The following RPS6KA6 variants were observed in gnomAD, a reference collection of about 807,000 sequenced individuals.
The protein encoded by RPS6KA6 is ribosomal protein S6 kinase A6, also known as ribosomal protein S6 kinase alpha-6.
RPS6KA6 carries 27 observed loss-of-function variants against 65.4 expected under a neutral mutation model. The observed-to-expected ratio is 0.41, with a 90% CI of 0.30 to 0.57. The LOEUF is 0.57. Ranked by LOEUF, RPS6KA6 falls within the 20% of genes least tolerant of loss-of-function variation. The pLI, the probability that RPS6KA6 is intolerant of heterozygous loss-of-function variation, is 0.24. For synonymous variants in RPS6KA6, 190 were observed against 184.2 expected, an observed-to-expected ratio of 1.03 and a Z score of -0.26; for missense variants, 486 against 555.6, an observed-to-expected ratio of 0.87 and a Z score of 1.26.
At chrX:84,082,769 AC>A (rs1185200308) in intron 20 of RPS6KA6, among the ~76,000 whole-genome samples, 4 of 111,439 alleles carry the variant, frequency 3.6e-5, no homozygotes, top group African/African-American at 1.3e-4. Context: ...ACGAAACAGA[AC>A]AGGGGCCTCA....
chrX:84,149,592 G>A (rs1341856039), intron 3 of RPS6KA6, among the ~76,000 whole-genome samples: 1 of 111,651 alleles, frequency 9.0e-6, no homozygotes, highest in African/African-American at 3.3e-5. Flanking sequence ...TGGGTAACTA[G>A]GAGTATTGCC....
chrX:84,082,502 G>A (rs1402076208), intron 20 of RPS6KA6, among the ~76,000 whole-genome samples: 4 of 111,945 alleles, frequency 3.6e-5, no homozygotes, highest in African/African-American at 9.7e-5. Flanking sequence ...AATCAATACC[G>A]TGAAAATGGC....
intron 8 of RPS6KA6, among the ~76,000 whole-genome samples, chrX:84,133,593 TAG>T (rs2147510730): frequency 9.0e-6 from 1 of 111,385 alleles, no homozygotes; most frequent in East Asian, 2.8e-4. Flanking sequence ...AACCTTAATG[TAG>T]AGAGAGAAAA....
At chrX:84,079,595 G>C (rs1328622128) in intron 20 of RPS6KA6, among the ~76,000 whole-genome samples, 1 of 111,497 alleles carries the variant, frequency 9.0e-6, no homozygotes, top group Non-Finnish European at 1.9e-5. Context: ...CTCGCTGCCA[G>C]CACAGCAGTC....
intron 20 of RPS6KA6, among the ~76,000 whole-genome samples, chrX:84,077,130 TAAGAA>T (rs1035252036): frequency 9.0e-6 from 1 of 111,596 alleles, no homozygotes; most frequent in African/African-American, 3.2e-5. Context: ...TGTTTATAGA[TAAGAA>T]AAGTCAATGC....
At chrX:84,155,144 G>C (rs1169842680) in intron 3 of RPS6KA6, among the ~76,000 whole-genome samples, 2 of 110,776 alleles carry the variant, frequency 1.8e-5, no homozygotes, top group African/African-American at 6.6e-5. Flanking sequence ...CAAGGCTACA[G>C]TGAACTACAA....
chrX:84,060,138 A>G lies in RPS6KA6; in HGVS notation c.*4139T>C, dbSNP rs2033279856. ...ATAATGTATGTTGTGAATAATCACT[A>G]TCAATGCCACTATATTCCCACATAA... On this transcript the variant is annotated 3_prime_UTR_variant, in exon 22 of 22. Transcript: ENST00000262752. 1 of 111,378 alleles carries G rather than the reference A, an allele frequency of 9.0e-6. No individual in the cohort carries two copies. The highest frequency in any genetic ancestry group is 3.3e-5 in the African/African-American group (1 of 30,702). 9.2% of individuals were successfully genotyped at this position (111,378 alleles called of 1,213,427 possible). A position where few individuals can be genotyped will look rare whatever the true frequency, so the allele number is the denominator to read the frequency against.
rs754107497 is a variant in RPS6KA6, at chrX:84,062,916, CAGTAGTAGTAGT to C, written c.*1349_*1360del. ...GTTTACATTCATGAATTCTTTCTGT[CAGTAGTAGTAGT>C]AGTAGTAGTAGTAGTAGTAGTAGTA... On this transcript the variant is annotated 3_prime_UTR_variant, in exon 22 of 22. Transcript: ENST00000262752. 29 of 104,586 alleles carry C rather than the reference CAGTAGTAGTAGT, an allele frequency of 2.8e-4. No homozygotes were observed. Among genetic ancestry groups the C allele is most frequent in the South Asian group, 8.4e-4 (2 of 2,376 alleles). The allele number at this position is 104,586 out of a possible 1,213,427, so 8.6% of individuals were successfully genotyped here.
At chrX:84,177,045 T>A (rs1349761574) in intron 1 of RPS6KA6, among the ~76,000 whole-genome samples, 2 of 110,895 alleles carry the variant, frequency 1.8e-5, no homozygotes, top group Admixed American at 9.7e-5. Context: ...AGCAGTACCA[T>A]CCTCTTGAGA....
chrX:84,119,767 A>G (rs2147472469), intron 9 of RPS6KA6, 118 bp downstream of exon 9: 1 of 435,204 alleles, frequency 2.3e-6, no homozygotes, highest in Non-Finnish European at 3.6e-6. Flanking sequence ...TTTTGGTGTT[A>G]ATTATAAATT....
intron 19 of RPS6KA6, 147 bp from the exon 20 acceptor site, chrX:84,096,458 A>T (rs2034159043): frequency 3.1e-6 from 1 of 319,633 alleles, no homozygotes; most frequent in East Asian, 5.0e-5. Flanking sequence ...GTCAAATTTT[A>T]TATTTCAAAC....
rs758472902 is a variant in RPS6KA6, at chrX:84,164,365, T to C, written c.104A>G (p.Asp35Gly). ...SGEVNGLKMV[D>G]EPMEEGEADS... ...TGCTTCTCCCTCTTCCATTGGCTCA[T>C]CAACCATTTTAAGACCATTTACCTG... The change falls in exon 2 of 22, where the codon GAT (aspartate) becomes GGT (glycine). Residue 35 changes from aspartate (D) to glycine (G), a missense_variant. Asp to Gly is a moderately conservative substitution (Grantham distance 94, BLOSUM62 -1). Around this residue, in one of 3 missense-constraint regions of RPS6KA6, gnomAD observed 106 missense variants for 105.0 expected, o/e 1.01. Coordinates refer to ENST00000262752, the MANE Select transcript of RPS6KA6 (RefSeq NM_014496.5). 2.5e-6 allele frequency: 3 copies of C among 1,198,658 alleles called. No homozygotes were observed. The highest frequency in any genetic ancestry group is 3.4e-6 in the Non-Finnish European group (3 of 885,159).
intron 12 of RPS6KA6, among the ~76,000 whole-genome samples, chrX:84,108,887 T>C (rs1212288044): frequency 1.8e-5 from 2 of 112,027 alleles, no homozygotes; most frequent in Non-Finnish European, 3.8e-5. Context: ...ACTGCCGGTC[T>C]CAGCTGTTCC....
intron 4 of RPS6KA6, among the ~76,000 whole-genome samples, 168 bp from the exon 5 acceptor site, chrX:84,147,226 A>G (rs1330478625): frequency 8.9e-6 from 1 of 112,245 alleles, no homozygotes; most frequent in African/African-American, 3.2e-5. Context: ...TCAGAAAGCA[A>G]AAATATTCAT....
intron 8 of RPS6KA6, 75 bp downstream of exon 8, chrX:84,134,707 C>G: frequency 1.5e-6 from 1 of 687,988 alleles, no homozygotes; most frequent in Non-Finnish European, 2.1e-6. Flanking sequence ...AAAAAACAGG[C>G]TTAGACAAAT....
intron 12 of RPS6KA6, among the ~76,000 whole-genome samples, chrX:84,112,167 C>G (rs1055297952): frequency 9.0e-6 from 1 of 111,065 alleles, no homozygotes; most frequent in Admixed American, 9.6e-5. Flanking sequence ...AACACCAGAG[C>G]GCTCAGATTC....
chrX:84,177,199 A>G (rs1210368770), intron 1 of RPS6KA6, among the ~76,000 whole-genome samples: 1 of 112,108 alleles, frequency 8.9e-6, no homozygotes, highest in Admixed American at 9.5e-5. Flanking sequence ...AGAAATACTA[A>G]TAACTGCATA....
chrX:84,172,314 G>A (rs770297584), intron 1 of RPS6KA6, among the ~76,000 whole-genome samples: 149 of 111,784 alleles, frequency 1.3e-3, no homozygotes, highest in African/African-American at 4.6e-3. Context: ...ACGAATCACC[G>A]CAAGAACATA....
chrX:84,094,755 A>G (rs1358863338), intron 20 of RPS6KA6, among the ~76,000 whole-genome samples: 3 of 112,167 alleles, frequency 2.7e-5, no homozygotes, highest in African/African-American at 9.7e-5. Context: ...GATAACTGAC[A>G]TGGGTAACTG....
Sources: gnomAD v4.1 joint callset for allele counts (sites outside exome capture counted in the v4.1 genomes callset) on GRCh38, gnomAD v4.1.1 for gene constraint, gnomAD v4.1.1 regional missense constraint, MANE v1.5 for transcripts, NCBI Gene and HGNC (gene_info 2026-07-23, HGNC 2026-07-21) for gene names.